The following AMMECR1 variants were observed in gnomAD, a reference collection of about 807,000 sequenced individuals.
AMMECR1 encodes nuclear protein AMMECR1.
AMMECR1 carries 3 observed loss-of-function variants against 22.5 expected under a neutral mutation model. The observed-to-expected ratio is 0.13, with a 90% CI of 0.06 to 0.35. The LOEUF is 0.35. Ranked by LOEUF, AMMECR1 falls within the 10% of genes least tolerant of loss-of-function variation. AMMECR1 has a pLI of 1.00. For missense variants in AMMECR1, 235 were observed against 278.7 expected (o/e 0.84, Z 1.12); for synonymous variants, 130 against 116.7 (o/e 1.11, Z -0.74).
intron 2 of AMMECR1, among the ~76,000 whole-genome samples, chrX:110,365,160 G>A (rs2068289084): frequency 8.9e-6 from 1 of 111,860 alleles, no homozygotes; most frequent in Non-Finnish European, 1.9e-5. Flanking sequence ...GCCTATTGTG[G>A]TGGTCCACTG....
intron 2 of AMMECR1, among the ~76,000 whole-genome samples, chrX:110,328,830 T>G (rs938366422): frequency 5.4e-4 from 61 of 112,215 alleles, no homozygotes; most frequent in Non-Finnish European, 1.1e-3. Context: ...TATTCCATGG[T>G]GTGTATGTGT....
chrX:110,223,789 T>C (rs2067517042), intron 2 of AMMECR1, among the ~76,000 whole-genome samples: 1 of 111,965 alleles, frequency 8.9e-6, no homozygotes, highest in East Asian at 2.8e-4. Flanking sequence ...AAATGCAAAA[T>C]TGAAGTAATC....
chrX:110,280,409 C>A (rs2067846637), intron 1 of AMMECR1, among the ~76,000 whole-genome samples: 1 of 110,828 alleles, frequency 9.0e-6, no homozygotes, highest in South Asian at 3.8e-4. Flanking sequence ...CATTATGTGC[C>A]ATAAAAATAA....
chrX:110,231,007 C>T (rs1287383380), intron 2 of AMMECR1, among the ~76,000 whole-genome samples: 1 of 111,869 alleles, frequency 8.9e-6, no homozygotes, highest in Non-Finnish European at 1.9e-5. Flanking sequence ...CAAACAAAGC[C>T]TCCAAGAAAT....
At chrX:110,376,332 G>A (rs1213404414) in intron 2 of AMMECR1, among the ~76,000 whole-genome samples, 1 of 110,765 alleles carries the variant, frequency 9.0e-6, no homozygotes, top group African/African-American at 3.3e-5. Flanking sequence ...GCTGGTCTTG[G>A]CTGGTAGTTT....
intron 1 of AMMECR1, among the ~76,000 whole-genome samples, chrX:110,300,999 A>T (rs192871946): frequency 2.4e-4 from 27 of 111,554 alleles, no homozygotes; most frequent in Non-Finnish European, 4.9e-4. Flanking sequence ...GTTCTTATTG[A>T]TTGCTTACGT....
At chrX:110,249,495 A>G (rs918803129) in intron 2 of AMMECR1, among the ~76,000 whole-genome samples, 2 of 111,884 alleles carry the variant, frequency 1.8e-5, no homozygotes, top group African/African-American at 3.3e-5. Flanking sequence ...GTTGTTGGAA[A>G]TATTAGATGA....
intron 1 of AMMECR1, among the ~76,000 whole-genome samples, chrX:110,308,066 G>A (rs1185000279): frequency 9.3e-6 from 1 of 107,476 alleles, no homozygotes; most frequent in African/African-American, 3.4e-5. Context: ...TGTAGAGATG[G>A]GGGTCTCACT....
chrX:110,413,514 A>ACCCCCCCCCCC (rs538812473), intron 2 of AMMECR1, among the ~76,000 whole-genome samples: 2 of 93,286 alleles, frequency 2.1e-5, no homozygotes, highest in African/African-American at 4.1e-5. Context: ...CTCCTGGTCA[A>ACCCCCCCCCCC]CCCCCCCCCA....
chrX:110,419,827 A>G (rs1440866802), intron 2 of AMMECR1, among the ~76,000 whole-genome samples: 1 of 112,472 alleles, frequency 8.9e-6, no homozygotes, highest in African/African-American at 3.2e-5. Flanking sequence ...TATGAAATTA[A>G]ACAAAAGAAA....
chrX:110,295,092 G>A (rs897901541), intron 1 of AMMECR1, among the ~76,000 whole-genome samples: 5 of 109,871 alleles, frequency 4.6e-5, no homozygotes, highest in East Asian at 2.8e-4. Context: ...AATTTTCCAC[G>A]GTCTATTTAG....
At chrX:110,342,645 C>T (rs910894225) in intron 2 of AMMECR1, among the ~76,000 whole-genome samples, 1 of 112,129 alleles carries the variant, frequency 8.9e-6, no homozygotes, top group Non-Finnish European at 1.9e-5. Context: ...GCTGGGATTA[C>T]AGGCATGAGC....
chrX:110,264,690 G>A, intron 1 of AMMECR1, 91 bp from the exon 2 acceptor site: 4 of 713,203 alleles, frequency 5.6e-6, no homozygotes, highest in Non-Finnish European at 4.2e-6. Flanking sequence ...TTAGGTGCCT[G>A]AGATATAAAG....
chrX:110,371,434 TAC>T (rs1444346623), intron 2 of AMMECR1, among the ~76,000 whole-genome samples: 1 of 111,672 alleles, frequency 9.0e-6, no homozygotes, highest in East Asian at 2.8e-4. Context: ...TTTTTAAATG[TAC>T]AGTTATCACT....
chrX:110,437,100 C>T (rs2068844173), intron 1 of AMMECR1, among the ~76,000 whole-genome samples: 1 of 111,631 alleles, frequency 9.0e-6, no homozygotes, highest in African/African-American at 3.3e-5. Flanking sequence ...ATTTAGTTAG[C>T]AGGGGATGGA....
rs2067401168 is a variant in AMMECR1, at chrX:110,202,354, T to C, written c.790+92A>G. On this transcript the variant is annotated intron_variant, in intron 4 of 5. Coordinates refer to ENST00000262844, the MANE Select transcript of AMMECR1 (RefSeq NM_015365.3). ...TCTTATAATTTGACACTTCAATTATTAGACATAACTGCAAGGTCAGATAAC... is the reference window on the plus strand; with the variant it reads ...TCTTATAATTTGACACTTCAATTATCAGACATAACTGCAAGGTCAGATAAC... The C allele has an allele frequency of 6.2e-6, 4 of 649,072 alleles. 1 individual carries two copies. Among genetic ancestry groups the C allele is most frequent in the East Asian group, 7.0e-5 (2 of 28,599 alleles). 53.5% of individuals were successfully genotyped at this position (649,072 alleles called of 1,213,427 possible). A position where few individuals can be genotyped will look rare whatever the true frequency, so the allele number is the denominator to read the frequency against.
At chrX:110,387,570 T>A (rs886696343) in intron 2 of AMMECR1, among the ~76,000 whole-genome samples, 1 of 111,680 alleles carries the variant, frequency 9.0e-6, no homozygotes, top group African/African-American at 3.3e-5. Context: ...CTGTTTCTAT[T>A]CCCTGACTTT....
At chrX:110,219,588 CTTG>C (rs2067490684) in intron 2 of AMMECR1, 19 of 748,948 alleles carry the variant, frequency 2.5e-5, no homozygotes, top group Middle Eastern at 7.6e-4. Context: ...GACATGGAGC[CTTG>C]TTGTTTGTTC....
At chrX:110,312,996 CAG>C (rs779011412) in intron 1 of AMMECR1, among the ~76,000 whole-genome samples, 2 of 112,154 alleles carry the variant, frequency 1.8e-5, no homozygotes, top group Non-Finnish European at 1.9e-5. Context: ...AAACATATAA[CAG>C]AAATATAATG....
Sources: allele counts gnomAD v4.1 joint callset (sites outside exome capture counted in the v4.1 genomes callset), GRCh38; gene constraint gnomAD v4.1.1; transcripts MANE v1.5; gene names NCBI Gene and HGNC (gene_info 2026-07-23, HGNC 2026-07-21).